KIT: variants seen among roughly 807,000 people sequenced by gnomAD.
The protein encoded by KIT is mast/stem cell growth factor receptor Kit.
A neutral mutation model predicts 105.7 loss-of-function variants in KIT; 16 were observed. The ratio of observed to expected loss-of-function variants is 0.15; its 90% CI spans 0.10 to 0.23. The LOEUF (loss-of-function observed/expected upper bound fraction) is 0.23. KIT is among the 10% of genes least tolerant of loss of function. The pLI is 1.00. For missense variants in KIT, 858 were observed against 1,213.8 expected (o/e 0.71, Z 4.36); for synonymous variants, 438 against 441.1 (o/e 0.99, Z 0.09).
chr4:54,730,757 A>T (rs752154026), intron 14 of KIT, among the ~76,000 whole-genome samples: 2 of 152,176 alleles, frequency 1.3e-5, no homozygotes, highest in African/African-American at 2.4e-5. Flanking sequence ...TTCTATGCTA[A>T]TCAGAAGCAG....
Position 54,698,447 on chromosome 4 carries a change from G to C in KIT, c.501G>C (p.Lys167Asn), listed in dbSNP as rs767567085. 1 of 1,614,182 alleles carries C rather than the reference G, an allele frequency of 6.2e-7. No individual in the cohort carries two copies. The highest frequency in any genetic ancestry group is 8.5e-7 in the Non-Finnish European group (1 of 1,180,034). Reference sequence around the variant, plus strand: ...ACTTGAGGTTTATTCCTGACCCCAAGGCGGGCATCATGATCAAAAGTGTGA... The same window carrying C: ...ACTTGAGGTTTATTCCTGACCCCAACGCGGGCATCATGATCAAAAGTGTGA... Reference protein sequence around the residue: ...PKDLRFIPDPKAGIMIKSVKR... With the variant: ...PKDLRFIPDPNAGIMIKSVKR... The change falls in exon 3 of 21, where the codon AAG becomes AAC. Residue 167 changes from lysine (K) to asparagine (N), a missense_variant. Coordinates refer to ENST00000288135, the MANE Select transcript of KIT (RefSeq NM_000222.3).
At chr4:54,663,521 G>GT (rs376622031) in intron 1 of KIT, among the ~76,000 whole-genome samples, 2,729 of 146,598 alleles carry the variant, frequency 0.019, 79 homozygotes, top group African/African-American at 0.063. Context: ...ATGTAGAGTG[G>GT]TTTTTTTTTT....
intron 1 of KIT, among the ~76,000 whole-genome samples, chr4:54,685,942 C>T (rs1428418857): frequency 6.6e-6 from 1 of 152,194 alleles, no homozygotes; most frequent in African/African-American, 2.4e-5. Context: ...CTGTTTTAGC[C>T]TGTACTTGCT....
At chr4:54,659,285 C>A (rs1434596251) in intron 1 of KIT, among the ~76,000 whole-genome samples, 1 of 152,096 alleles carries the variant, frequency 6.6e-6, no homozygotes, top group Non-Finnish European at 1.5e-5. Flanking sequence ...TGCTGGAGCC[C>A]CTTGGTCAGA....
intron 7 of KIT, among the ~76,000 whole-genome samples, chr4:54,712,485 G>T (rs943206620): frequency 1.3e-5 from 2 of 152,142 alleles, no homozygotes; most frequent in African/African-American, 2.4e-5. Flanking sequence ...GTCCAAAGGG[G>T]TGTTTAAATG....
chr4:54,698,659 C>A, intron 3 of KIT, 94 bp downstream of exon 3: 2 of 1,373,868 alleles, frequency 1.5e-6, no homozygotes, highest in Non-Finnish European at 2.1e-6. Context: ...TGTAGTCAAT[C>A]AGGGAGCTAG....
chr4:54,707,320 C>T, intron 6 of KIT, 33 bp downstream of exon 6: 2 of 1,403,054 alleles, frequency 1.4e-6, no homozygotes, highest in Non-Finnish European at 1.0e-6. Flanking sequence ...GGGGATTACA[C>T]ATTACCCCCT....
At chr4:54,707,864 A>T (rs933997491) in intron 6 of KIT, among the ~76,000 whole-genome samples, 2 of 151,186 alleles carry the variant, frequency 1.3e-5, no homozygotes, top group Non-Finnish European at 3.0e-5. Flanking sequence ...GTGAGTAGAC[A>T]TTCTTATTTC....
chr4:54,728,095 A>T lies in KIT; in HGVS notation c.1964A>T (p.Asn655Ile), dbSNP rs1057519707. Residue 655 changes from asparagine to isoleucine, a missense_variant, in exon 13 of 21, where the codon AAT becomes ATT. Around this residue, in one of 7 missense-constraint regions of KIT, gnomAD observed 158 missense variants for 218.7 expected, o/e 0.72. Coordinates refer to ENST00000288135, the MANE Select transcript of KIT (RefSeq NM_000222.3). ...CTTGGTAATCACATGAATATTGTGA[A>T]TCTACTTGGAGCCTGCACCATTGGA... ...SYLGNHMNIV[N>I]LLGACTIGGP... 1 of 1,613,124 alleles carries T rather than the reference A, an allele frequency of 6.2e-7. No homozygotes were observed. Among genetic ancestry groups the T allele is most frequent in the African/African-American group, 1.3e-5 (1 of 75,008 alleles).
rs1285329718 is a variant in KIT at position 54,701,391 on chromosome 4, ATATTT to A, written c.756+1630_756+1634del. Among the ~76,000 whole-genome samples the A allele has an allele frequency of 3.3e-5, 5 of 151,158 alleles. No individual in the cohort carries two copies. The East Asian group carries it at 9.6e-4, about 29-fold the overall frequency. ...CTATCAAATTATTAAAAAATCCATAATATTTTATTCTGACCCTTTGGAATAAGTTT... is the reference window on the plus strand; with the variant it reads ...CTATCAAATTATTAAAAAATCCATAATATTCTGACCCTTTGGAATAAGTTT... On this transcript the variant is annotated intron_variant, in intron 4 of 20. Coordinates refer to ENST00000288135, the MANE Select transcript of KIT (RefSeq NM_000222.3).
chr4:54,685,271 ACCTCCTG>A (rs1047219372), intron 1 of KIT, among the ~76,000 whole-genome samples: 1 of 151,850 alleles, frequency 6.6e-6, no homozygotes, highest in African/African-American at 2.4e-5. Flanking sequence ...GATATACCCC[ACCTCCTG>A]CCTCCAGTTT....
chr4:54,681,333 C>T (rs1718901112), intron 1 of KIT, among the ~76,000 whole-genome samples: 1 of 152,246 alleles, frequency 6.6e-6, no homozygotes, highest in Non-Finnish European at 1.5e-5. Flanking sequence ...GAAGAACCCA[C>T]TGGAAATGAG....
intron 7 of KIT, among the ~76,000 whole-genome samples, chr4:54,717,086 T>C (rs1721549281): frequency 2.0e-5 from 3 of 152,212 alleles, no homozygotes; most frequent in Admixed American, 2.0e-4. Context: ...TCAAATTGCT[T>C]GGGAATTATG....
chr4:54,695,480 C>A, intron 1 of KIT, 32 bp from the exon 2 acceptor site: 1 of 1,613,016 alleles, frequency 6.2e-7, no homozygotes, highest in Non-Finnish European at 8.5e-7. Flanking sequence ...GGAAGAAGAT[C>A]ATACTCAACA....
At position 54,739,681 on chromosome 4, in the gene KIT, T is replaced by A. The variant is rs1430975618; in HGVS notation, c.*1124T>A. On this transcript the variant is annotated 3_prime_UTR_variant, in exon 21 of 21. Transcript: ENST00000288135. ...ATATATGTGTATGTACGTTTGTATG[T>A]GTGTAGACAAATATTTGGAGGGGTA... The A allele has an allele frequency of 4.3e-6, 1 of 233,502 alleles. No individual in the cohort carries two copies. The highest frequency in any genetic ancestry group is 8.5e-6 in the Non-Finnish European group (1 of 117,978). The allele number at this position is 233,502 out of a possible 1,614,324, so 14.5% of individuals were successfully genotyped here.
At chr4:54,710,487 G>A (rs1721077600) in intron 7 of KIT, among the ~76,000 whole-genome samples, 1 of 152,162 alleles carries the variant, frequency 6.6e-6, no homozygotes, top group South Asian at 2.1e-4. Context: ...GGGAACAAAG[G>A]ACTGGGGCCA....
chr4:54,667,616 G>C (rs1487637488), intron 1 of KIT, among the ~76,000 whole-genome samples: 1 of 152,182 alleles, frequency 6.6e-6, no homozygotes, highest in Non-Finnish European at 1.5e-5. Flanking sequence ...TTAGCCGGAA[G>C]GCTCTGCTCC....
rs571545423 is a variant in KIT, at chr4:54,739,917, G to A, written c.*1360G>A. The stretch of plus-strand genomic sequence containing the variant: ...CTCTGTTATTTAGACTCATCTTACT[G>A]TACCTGTTCCTTAGACCTTCCATAA... On this transcript the variant is annotated 3_prime_UTR_variant, in exon 21 of 21. Coordinates refer to ENST00000288135, the MANE Select transcript of KIT (RefSeq NM_000222.3). 4.3e-6 allele frequency: 1 copy of A among 233,400 alleles called. No homozygotes were observed. The highest frequency in any genetic ancestry group is 8.5e-6 in the Non-Finnish European group (1 of 117,910). 14.5% of individuals were successfully genotyped at this position (233,400 alleles called of 1,614,324 possible). A position where few individuals can be genotyped will look rare whatever the true frequency, so the allele number is the denominator to read the frequency against.
In KIT at chr4:54,673,452, T is replaced by G. The variant is rs185008668; in HGVS notation, c.67+15371T>G. ...CTTTACCTGTCATTTCTGAAATGAT[T>G]ATTTTCTTTATTTTTAATTCTTAGT... On this transcript the variant is annotated intron_variant, in intron 1 of 20. Coordinates refer to ENST00000288135, the MANE Select transcript of KIT (RefSeq NM_000222.3). Among the ~76,000 whole-genome samples, 1,070 of 152,330 alleles carry G rather than the reference T, an allele frequency of 7.0e-3. 16 individuals are homozygous for G. The highest frequency in any genetic ancestry group is 0.025 in the African/African-American group (1,021 of 41,580).
Sources: allele counts gnomAD v4.1 joint callset (sites outside exome capture counted in the v4.1 genomes callset), GRCh38; gene constraint gnomAD v4.1.1; regional missense constraint gnomAD v4.1.1; transcripts MANE v1.5; gene names NCBI Gene and HGNC (gene_info 2026-07-23, HGNC 2026-07-21).